The following YEATS4 variants were observed in gnomAD, a reference collection of about 807,000 sequenced individuals.
The protein encoded by YEATS4 is YEATS domain-containing protein 4.
A neutral mutation model predicts 30.1 loss-of-function variants in YEATS4; 17 were observed. That is an observed-to-expected ratio of 0.56 (90% CI 0.39 to 0.85). The LOEUF is 0.85. YEATS4 is among the 40% of genes least tolerant of loss of function. The probability of loss-of-function intolerance (pLI) is 0.00; values close to 1 mark genes in which losing one functional copy is unlikely to be tolerated. For synonymous variants in YEATS4, 85 were observed against 87.5 expected, an observed-to-expected ratio of 0.97 and a Z score of 0.16; for missense variants, 142 against 268.3, an observed-to-expected ratio of 0.53 and a Z score of 3.29.
chr12:69,411,914 G>T, the YEATS4 span, among the ~76,000 whole-genome samples: 3 of 152,234 alleles, frequency 2.0e-5, no homozygotes, highest in Admixed American at 6.5e-5. Context: ...ACCAAACCAC[G>T]TAGGGGTTTG....
the YEATS4 span, among the ~76,000 whole-genome samples, chr12:69,402,345 C>G: frequency 6.6e-6 from 1 of 152,134 alleles, no homozygotes; most frequent in African/African-American, 2.4e-5. Flanking sequence ...TCGTTGTGGG[C>G]CTAATTATGC....
intron 6 of YEATS4, among the ~76,000 whole-genome samples, chr12:69,381,542 G>A (rs1340019322): frequency 1.3e-5 from 2 of 152,180 alleles, no homozygotes; most frequent in East Asian, 3.8e-4. Context: ...GGGATTAAGA[G>A]ATTAAAGTAA....
rs1470729029 is a variant in YEATS4, at chr12:69,386,195, A to T, written c.515-3952A>T. Among the ~76,000 whole-genome samples, 5 of 152,242 alleles carry T rather than the reference A, an allele frequency of 3.3e-5. No individual in the cohort carries two copies. The South Asian group carries it at 8.3e-4, about 25-fold the overall frequency. ...CCAGGATCTCATTGCTAATTAACTC[A>T]TGTCTTCTTCCAAACATCTAGTGCC... On this transcript the variant is annotated intron_variant, in intron 6 of 6. Coordinates refer to ENST00000247843, the MANE Select transcript of YEATS4 (RefSeq NM_006530.4).
intron 6 of YEATS4, among the ~76,000 whole-genome samples, chr12:69,374,380 G>A (rs1415728076): frequency 2.0e-5 from 3 of 151,588 alleles, no homozygotes; most frequent in African/African-American, 4.9e-5. Flanking sequence ...ATTTGTAGCT[G>A]TGGTAAATGA....
chr12:69,390,164 A>G lies in YEATS4; in HGVS notation c.532A>G (p.Lys178Glu). The G allele has an allele frequency of 6.3e-7, 1 of 1,585,532 alleles. No homozygotes were observed. The highest frequency in any genetic ancestry group is 2.0e-5 in the Admixed American group (1 of 51,022). Residue 178 changes from lysine (K) to glutamate (E), a missense_variant, in exon 7 of 7, where the codon AAA (lysine) becomes GAA (glutamate). This residue lies in a region of YEATS4 where 53 missense variants were observed against 68.6 expected (regional missense o/e 0.77). Coordinates refer to ENST00000247843, the MANE Select transcript of YEATS4 (RefSeq NM_006530.4). ...HETEFAELEV[K>E]TREKLEAAKK... ...TTCTTTAGTTGCAGAGCTTGAAGTG[A>G]AAACCAGAGAAAAATTAGAAGCTGC...
At chr12:69,403,133 G>C in the YEATS4 span, among the ~76,000 whole-genome samples, 2 of 152,182 alleles carry the variant, frequency 1.3e-5, no homozygotes, top group Non-Finnish European at 2.9e-5. Flanking sequence ...GCTGGCCCCT[G>C]TTCTGATGTT....
At chr12:69,366,363 A>G (rs1456641738) in intron 4 of YEATS4, among the ~76,000 whole-genome samples, 1 of 148,812 alleles carries the variant, frequency 6.7e-6, no homozygotes, top group East Asian at 2.0e-4. Context: ...TCTTCTTATC[A>G]GATTGTTGCT....
intron 6 of YEATS4, among the ~76,000 whole-genome samples, chr12:69,388,210 G>T (rs940762095): frequency 2.1e-4 from 32 of 152,056 alleles, no homozygotes; most frequent in Admixed American, 1.9e-3. Flanking sequence ...ACAAGTGCTC[G>T]CCACCATGCC....
intron 4 of YEATS4, 59 bp from the exon 5 acceptor site, chr12:69,370,647 C>A: frequency 1.5e-6 from 2 of 1,347,350 alleles, no homozygotes; most frequent in South Asian, 1.7e-5. Context: ...AAAAAAATGC[C>A]AGTATCTTAT....
At chr12:69,379,631 G>A (rs11177632) in intron 6 of YEATS4, among the ~76,000 whole-genome samples, 52,752 of 117,142 alleles carry the variant, frequency 0.45, 11,309 homozygotes, top group Admixed American at 0.5. Context: ...GGTGGAGATG[G>A]GGTTTTGCCA....
At chr12:69,420,374 A>T in the YEATS4 span, among the ~76,000 whole-genome samples, 1 of 150,852 alleles carries the variant, frequency 6.6e-6, no homozygotes, top group African/African-American at 2.4e-5. Context: ...ACTCCATCAC[A>T]GTTAATTAAT....
intron 2 of YEATS4, among the ~76,000 whole-genome samples, chr12:69,365,188 G>C (rs1022275885): frequency 6.6e-6 from 1 of 151,848 alleles, no homozygotes; most frequent in South Asian, 2.1e-4. Context: ...GGTGGCTCAC[G>C]CCTGTAATTC....
chr12:69,413,517 C>CCG, the YEATS4 span, among the ~76,000 whole-genome samples: 1 of 138,554 alleles, frequency 7.2e-6, no homozygotes, highest in Non-Finnish European at 1.6e-5. Context: ...AACGCCCCCC[C>CCG]CATCTCCATC....
chr12:69,397,456 G>A, the YEATS4 span, among the ~76,000 whole-genome samples: 2 of 152,080 alleles, frequency 1.3e-5, no homozygotes, highest in African/African-American at 4.8e-5. Context: ...GAATCATGGG[G>A]GCTGGTTTTT....
downstream of YEATS4, among the ~76,000 whole-genome samples, chr12:69,391,594 A>G (rs978926369): frequency 2.0e-4 from 30 of 151,936 alleles, no homozygotes; most frequent in African/African-American, 7.3e-4. Flanking sequence ...TGACTTTTGC[A>G]ATTATTATGG....
At chr12:69,360,232 C>T (rs634512) in intron 1 of YEATS4, among the ~76,000 whole-genome samples, 69,721 of 151,956 alleles carry the variant, frequency 0.46, 16,017 homozygotes, top group Non-Finnish European at 0.5. Context: ...CCAACTCCCA[C>T]CCCCGCCAAA....
chr12:69,376,513 T>C (rs1371008977), intron 6 of YEATS4, among the ~76,000 whole-genome samples: 1 of 152,272 alleles, frequency 6.6e-6, no homozygotes, highest in African/African-American at 2.4e-5. Flanking sequence ...AGGTATCACA[T>C]TGATTTGCTC....
the YEATS4 span, among the ~76,000 whole-genome samples, chr12:69,397,832 TC>T: frequency 6.6e-6 from 1 of 152,054 alleles, no homozygotes; most frequent in Non-Finnish European, 1.5e-5. Context: ...GAGAAACTAA[TC>T]CTGCCCACAA....
chr12:69,366,086 A>G (rs1473994794), intron 4 of YEATS4, among the ~76,000 whole-genome samples: 1 of 152,032 alleles, frequency 6.6e-6, no homozygotes, highest in Non-Finnish European at 1.5e-5. Flanking sequence ...AAAAAAACAT[A>G]TAATATGAAC....
Sources: allele counts gnomAD v4.1 joint callset (sites outside exome capture counted in the v4.1 genomes callset), GRCh38; gene constraint gnomAD v4.1.1; regional missense constraint gnomAD v4.1.1; transcripts MANE v1.5; gene names NCBI Gene and HGNC (gene_info 2026-07-23, HGNC 2026-07-21).